The following COL22A1 variants were observed in gnomAD, a reference collection of about 807,000 sequenced individuals.
COL22A1 encodes collagen type XXII alpha 1 chain, also known as collagen alpha-1(XXII) chain.
COL22A1 carries 221 observed loss-of-function variants against 248.9 expected under a neutral mutation model. The observed-to-expected ratio is 0.89, with a 90% CI of 0.80 to 0.99. The LOEUF is 0.99. COL22A1 is among the 50% of genes least tolerant of loss of function. The pLI, the probability that COL22A1 is intolerant of heterozygous loss-of-function variation, is 0.00. For missense variants in COL22A1, 2,240 were observed against 2,179.0 expected (o/e 1.03, Z -0.56); for synonymous variants, 891 against 793.4 (o/e 1.12, Z -2.07).
Position 138,589,015 on chromosome 8 carries a change from A to AAAT in COL22A1, c.*235_*237dup. On this transcript the variant is annotated 3_prime_UTR_variant, in exon 65 of 65. Transcript: ENST00000303045. ...AGAACTCACAAAGCATCAGCATATG[A>AAAT]AATAATAATAATAATTAACAACAAC... 2.4e-6 allele frequency: 1 copy of AAAT among 424,400 alleles called. No individual in the cohort carries two copies. Among genetic ancestry groups the AAAT allele is most frequent in the Non-Finnish European group, 4.1e-6 (1 of 243,016 alleles). 26.3% of individuals were successfully genotyped at this position (424,400 alleles called of 1,614,324 possible). A position where few individuals can be genotyped will look rare whatever the true frequency, so the allele number is the denominator to read the frequency against.
At chr8:138,605,583 G>A (rs1359518259) in intron 58 of COL22A1, among the ~76,000 whole-genome samples, 1 of 152,200 alleles carries the variant, frequency 6.6e-6, no homozygotes, top group Non-Finnish European at 1.5e-5. Flanking sequence ...TTGGCTGGCA[G>A]TGGGGCATGC....
chr8:138,850,516 G>A (rs533617830), intron 3 of COL22A1, among the ~76,000 whole-genome samples: 4 of 152,156 alleles, frequency 2.6e-5, no homozygotes, highest in African/African-American at 7.2e-5. Context: ...GTGGGGCTCC[G>A]GCACAGCTGG....
chr8:138,908,541 G>C (rs1815198190), intron 1 of COL22A1, among the ~76,000 whole-genome samples: 1 of 152,184 alleles, frequency 6.6e-6, no homozygotes, highest in South Asian at 2.1e-4. Context: ...TAAGAGCATA[G>C]GCTTTGTATC....
At chr8:138,621,903 G>A (rs1350232090) in intron 52 of COL22A1, among the ~76,000 whole-genome samples, 2 of 152,196 alleles carry the variant, frequency 1.3e-5, no homozygotes, top group South Asian at 2.1e-4. Context: ...CAGCTCTGCT[G>A]GGTGTCAGTC....
intron 5 of COL22A1, among the ~76,000 whole-genome samples, chr8:138,830,157 T>C (rs1819926549): frequency 6.6e-6 from 1 of 152,198 alleles, no homozygotes; most frequent in South Asian, 2.1e-4. Flanking sequence ...GGTGTGTAAT[T>C]AGAGGACCTG....
intron 23 of COL22A1, among the ~76,000 whole-genome samples, chr8:138,735,089 C>T (rs915278731): frequency 1.3e-5 from 2 of 152,062 alleles, no homozygotes; most frequent in East Asian, 1.9e-4. Context: ...ACCTAGATGA[C>T]GGGTTGATAG....
chr8:138,837,489 G>T (rs149688746), intron 4 of COL22A1, among the ~76,000 whole-genome samples: 1 of 152,198 alleles, frequency 6.6e-6, no homozygotes, highest in South Asian at 2.1e-4. Context: ...TGCCCCAGAG[G>T]CTGCAGTCTC....
At chr8:138,679,588 T>G in intron 40 of COL22A1, 29 bp downstream of exon 40, 1 of 1,604,628 alleles carries the variant, frequency 6.2e-7, no homozygotes, top group Non-Finnish European at 8.5e-7. Flanking sequence ...TCTGTCTTTT[T>G]GCAAATGTTT....
At chr8:138,783,459 G>A (rs1449023361) in intron 12 of COL22A1, among the ~76,000 whole-genome samples, 4 of 152,154 alleles carry the variant, frequency 2.6e-5, no homozygotes, top group Non-Finnish European at 5.9e-5. Context: ...ATGGGAGAAA[G>A]ATGGAGGCTA....
At chr8:138,904,933 T>G (rs1347464243) in intron 1 of COL22A1, among the ~76,000 whole-genome samples, 1 of 152,198 alleles carries the variant, frequency 6.6e-6, no homozygotes, top group Non-Finnish European at 1.5e-5. Context: ...GCCTGGCTTC[T>G]GTCTCCACCA....
intron 1 of COL22A1, among the ~76,000 whole-genome samples, chr8:138,902,775 C>T (rs1814709919): frequency 6.6e-6 from 1 of 150,772 alleles, no homozygotes; most frequent in African/African-American, 2.4e-5. Flanking sequence ...CACACACACA[C>T]ACACACACAC....
chr8:138,879,509 T>C (rs1341961083), intron 2 of COL22A1, among the ~76,000 whole-genome samples: 1 of 151,848 alleles, frequency 6.6e-6, no homozygotes, highest in Middle Eastern at 3.2e-3. Context: ...CTGGCCAATA[T>C]GGCAAAACCC....
intron 6 of COL22A1, among the ~76,000 whole-genome samples, chr8:138,823,978 C>T (rs936310236): frequency 4.6e-5 from 7 of 152,208 alleles, no homozygotes; most frequent in African/African-American, 1.4e-4. Flanking sequence ...GTATTCAACA[C>T]AACCTGGGTC....
intron 46 of COL22A1, among the ~76,000 whole-genome samples, chr8:138,647,842 G>T (rs1327311631): frequency 6.6e-6 from 1 of 152,140 alleles, no homozygotes; most frequent in Non-Finnish European, 1.5e-5. Context: ...TGGTAGAAAG[G>T]TCTGGAAAAG....
Position 138,589,072 on chromosome 8 carries a change from A to G in COL22A1, c.*181T>C. 1.7e-6 allele frequency: 1 copy of G among 596,282 alleles called. No homozygotes were observed. The highest frequency in any genetic ancestry group is 3.0e-6 in the Non-Finnish European group (1 of 337,018). The allele number at this position is 596,282 out of a possible 1,614,324, so 36.9% of individuals were successfully genotyped here. The stretch of plus-strand genomic sequence containing the variant: ...ATTAATAATAATCTGACCGACCGGC[A>G]GCGTCTGTTGGATTTAATAATTTTG... On this transcript the variant is annotated 3_prime_UTR_variant, in exon 65 of 65. Coordinates refer to ENST00000303045, the MANE Select transcript of COL22A1 (RefSeq NM_152888.3).
intron 64 of COL22A1, among the ~76,000 whole-genome samples, chr8:138,590,012 T>C (rs1816901538): frequency 1.3e-5 from 2 of 152,014 alleles, no homozygotes; most frequent in African/African-American, 4.8e-5. Flanking sequence ...ACATCTAGGA[T>C]GCAAGTAAGT....
In COL22A1 at chr8:138,802,722, T is replaced by C. The variant is rs1586777115; in HGVS notation, c.1557+150A>G. On this transcript the variant is annotated intron_variant, in intron 11 of 64. Coordinates refer to ENST00000303045, the MANE Select transcript of COL22A1 (RefSeq NM_152888.3). Reference sequence around the variant, plus strand: ...GGCCTCCATGCCCATGGAGAGGAGCTAGGGCTTCATCTTGAGGGTGGTGTG... The same window carrying C: ...GGCCTCCATGCCCATGGAGAGGAGCCAGGGCTTCATCTTGAGGGTGGTGTG... 4 of 687,570 alleles carry C rather than the reference T, an allele frequency of 5.8e-6. No individual in the cohort carries two copies. In the South Asian group the frequency reaches 6.5e-5, roughly 11 times the overall value. 42.6% of individuals were successfully genotyped at this position (687,570 alleles called of 1,614,324 possible).
intron 7 of COL22A1, among the ~76,000 whole-genome samples, chr8:138,816,668 G>A (rs1403183769): frequency 6.6e-6 from 1 of 152,150 alleles, no homozygotes; most frequent in African/African-American, 2.4e-5. Context: ...TCTGTGAGAT[G>A]GACTCACAGG....
chr8:138,721,394 T>A (rs1337440755), intron 26 of COL22A1, among the ~76,000 whole-genome samples: 1 of 152,234 alleles, frequency 6.6e-6, no homozygotes, highest in Non-Finnish European at 1.5e-5. Context: ...TATGGTTGTA[T>A]AATAATTCAT....
Sources: allele counts gnomAD v4.1 joint callset (sites outside exome capture counted in the v4.1 genomes callset), GRCh38; gene constraint gnomAD v4.1.1; transcripts MANE v1.5; gene names NCBI Gene and HGNC (gene_info 2026-07-23, HGNC 2026-07-21).